The following KRT81 variants were observed in gnomAD, a reference collection of about 807,000 sequenced individuals.
The protein encoded by KRT81 is keratin 81.
Under a neutral mutation model 35.8 loss-of-function variants are expected in KRT81, and 35 were observed. That is an observed-to-expected ratio of 0.98 (90% confidence interval 0.75 to 1.30). The LOEUF (loss-of-function observed/expected upper bound fraction) is 1.30, where lower values mean the gene tolerates loss of function less well. Ranked by LOEUF, KRT81 falls within the 50% of genes most tolerant of loss-of-function variation. The probability of loss-of-function intolerance (pLI) is 0.00; values close to 1 mark genes in which losing one functional copy is unlikely to be tolerated. For missense variants in KRT81, 531 were observed against 577.4 expected, an observed-to-expected ratio of 0.92 and a Z score of 0.82; for synonymous variants, 249 against 251.2, an observed-to-expected ratio of 0.99 and a Z score of 0.08.
Position 52,287,133 on chromosome 12 carries a change from A to G in KRT81, c.1216T>C (p.Tyr406His), listed in dbSNP as rs1937970440. The G allele has an allele frequency of 1.9e-6, 3 of 1,613,316 alleles. No homozygotes were observed. The highest frequency in any genetic ancestry group is 2.5e-6 in the Non-Finnish European group (3 of 1,179,968). ...KLGLDIEIAT[Y>H]RRLLEGEEQR... Reference sequence around the variant, plus strand: ...TCCTCGCCCTCCAGCAGGCGCCTGTAGGTGGCGATCTCGATGTCCAGGCCC... The same window carrying G: ...TCCTCGCCCTCCAGCAGGCGCCTGTGGGTGGCGATCTCGATGTCCAGGCCC... The change falls in exon 7 of 9, where the codon TAC becomes CAC. Residue 406 changes from tyrosine to histidine, a missense_variant. Transcript: ENST00000327741.
chr12:52,288,293 C>G (rs1938026133), intron 4 of KRT81, 68 bp downstream of exon 4: 1 of 1,608,916 alleles, frequency 6.2e-7, no homozygotes, highest in Admixed American at 1.7e-5. Flanking sequence ...ACATCCTGTC[C>G]AACACTCCCA....
chr12:52,286,229 G>A lies in KRT81; in HGVS notation c.*26C>T, dbSNP rs768552191. The A allele has an allele frequency of 1.3e-6, 2 of 1,541,946 alleles. No individual in the cohort carries two copies. Among genetic ancestry groups the A allele is most frequent in the East Asian group, 4.8e-5 (2 of 41,394 alleles). Reference sequence around the variant, plus strand: ...GCAAGGCAGGGCAGGAAAGATGCCTGGGGCCTGGGACTTGAGTTGGGGTGC... The same window carrying A: ...GCAAGGCAGGGCAGGAAAGATGCCTAGGGCCTGGGACTTGAGTTGGGGTGC... On this transcript the variant is annotated 3_prime_UTR_variant, in exon 9 of 9. Coordinates refer to ENST00000327741, the MANE Select transcript of KRT81 (RefSeq NM_002281.4).
At chr12:52,288,199 C>T (rs1351689277) in intron 4 of KRT81, 51 bp from the exon 5 acceptor site, 1 of 1,596,068 alleles carries the variant, frequency 6.3e-7, no homozygotes, top group Non-Finnish European at 8.6e-7. Flanking sequence ...CCCCACCCAC[C>T]ATGTCCTGAC....
Position 52,288,002 on chromosome 12 carries a change from C to T in KRT81, c.882G>A (p.Glu294=). The T allele has an allele frequency of 6.2e-7, 1 of 1,614,214 alleles. No individual in the cohort carries two copies. The highest frequency in any genetic ancestry group is 8.5e-7 in the Non-Finnish European group (1 of 1,180,030). The part of the protein sequence containing the change: ...DIVTRSRAEA[E]SWYRSKCEEM... The stretch of plus-strand genomic sequence containing the variant: ...CACTCACCTTGCTGCGGTACCAGGA[C>T]TCGGCCTCGGCCCGGCTGCGGGTGA... The change falls in exon 5 of 9, where the codon GAG becomes GAA. Residue 294 remains glutamate, a synonymous_variant. Coordinates refer to ENST00000327741, the MANE Select transcript of KRT81 (RefSeq NM_002281.4).
Position 52,291,090 on chromosome 12 carries a change from C to T in KRT81, c.369+7G>A. On this transcript the variant is annotated splice_region_variant and intron_variant, in intron 1 of 8. Coordinates refer to ENST00000327741, the MANE Select transcript of KRT81 (RefSeq NM_002281.4). ...GGTTCAGGAAGGGTGTGATCCAGGA[C>T]ACCCACCTTGTCGATGAAGGCCGCG... 1 of 628,786 alleles carries T rather than the reference C, an allele frequency of 1.6e-6. No homozygotes were observed. 39.0% of individuals were successfully genotyped at this position (628,786 alleles called of 1,614,324 possible).
In KRT81 at chr12:52,288,499, C is replaced by G. The variant is rs765686606; in HGVS notation, c.640-43G>C. On this transcript the variant is annotated intron_variant, in intron 3 of 8. Transcript: ENST00000327741. ...GTTGGAGCTCAAGGACCCTGGTGAT[C>G]CAGCCCCCAGACTCCTCTCTCTGCC... 4.3e-6 allele frequency: 7 copies of G among 1,609,404 alleles called. No individual in the cohort carries two copies. In the East Asian group the frequency reaches 1.3e-4, roughly 31 times the overall value.
At chr12:52,287,881 C>A in intron 5 of KRT81, 103 bp downstream of exon 5, 1 of 1,606,280 alleles carries the variant, frequency 6.2e-7, no homozygotes, top group Non-Finnish European at 8.5e-7. Flanking sequence ...CCTCTCTTCT[C>A]ATCCCTAGGG....
Position 52,291,409 on chromosome 12 carries a change from C to T in KRT81, c.57G>A (p.Gly19=), listed in dbSNP as rs771258593. The T allele has an allele frequency of 5.3e-5, 85 of 1,611,028 alleles. 2 individuals are homozygous for T. In the South Asian group the frequency reaches 9.4e-4, roughly 18 times the overall value. ...TGATGCAGCAGCGGCCGGGCCGCGGCCCGCAGGCCGAGATGCAGCTGAAGG... is the reference window on the plus strand; with the variant it reads ...TGATGCAGCAGCGGCCGGGCCGCGGTCCGCAGGCCGAGATGCAGCTGAAGG... ...GRAFSCISAC[G]PRPGRCCITA... Residue 19 remains glycine, a synonymous_variant, in exon 1 of 9, where the codon GGG becomes GGA. Transcript: ENST00000327741.
rs1169309027 is a variant in KRT81 at position 52,286,297 on chromosome 12, G to A, written c.1476C>T (p.Ser492=). 6.4e-7 allele frequency: 1 copy of A among 1,554,596 alleles called. No individual in the cohort carries two copies. Among genetic ancestry groups the A allele is most frequent in the Non-Finnish European group, 8.7e-7 (1 of 1,148,608 alleles). Residue 492 remains serine (S), a synonymous_variant, in exon 9 of 9, where the codon TCC becomes TCT. Coordinates refer to ENST00000327741, the MANE Select transcript of KRT81 (RefSeq NM_002281.4). ...SCGVGSCGIS[S]LGVGSCGSSC... ...TGCTGCCGCAAGACCCCACACCCAGGGAGCTGATACCACAGGAGCCCACGC... is the reference window on the plus strand; with the variant it reads ...TGCTGCCGCAAGACCCCACACCCAGAGAGCTGATACCACAGGAGCCCACGC...
At position 52,286,322 on chromosome 12, in the gene KRT81, C is replaced by A. The variant is rs982724643; in HGVS notation, c.1451G>T (p.Gly484Val). The change falls in exon 9 of 9, where the codon GGC becomes GTC. Residue 484 changes from glycine (G) to valine (V), a missense_variant. Transcript: ENST00000327741. Reference protein sequence around the residue: ...LNTTCGGGSCGVGSCGISSLG... With the variant: ...LNTTCGGGSCVVGSCGISSLG... ...GGAGCTGATACCACAGGAGCCCACG[C>A]CGCAGGAACCCCCTCCGCAGGTGGT... is the stretch of plus-strand genomic sequence containing the variant. 1 of 1,554,502 alleles carries A rather than the reference C, an allele frequency of 6.4e-7. No homozygotes were observed. Among genetic ancestry groups the A allele is most frequent in the Non-Finnish European group, 8.7e-7 (1 of 1,148,562 alleles).
Position 52,291,518 on chromosome 12 carries a change from T to G in KRT81, c.-53A>C. 6.2e-7 allele frequency: 1 copy of G among 1,604,482 alleles called. No individual in the cohort carries two copies. Among genetic ancestry groups the G allele is most frequent in the Admixed American group, 1.7e-5 (1 of 59,100 alleles). On this transcript the variant is annotated 5_prime_UTR_variant, in exon 1 of 9. Transcript: ENST00000327741. ...GGACAGGATAGGGGACCTGGAGTCC[T>G]GATGGAAACTCCAATGTGCTCCTCA...
At chr12:52,287,362 G>A (rs780572469) in intron 6 of KRT81, 40 bp from the exon 7 acceptor site, 13 of 1,610,952 alleles carry the variant, frequency 8.1e-6, no homozygotes, top group Non-Finnish European at 1.0e-5. Flanking sequence ...TAGAGTCCCT[G>A]GGTCTCTCTG....
chr12:52,287,135 G>T lies in KRT81; in HGVS notation c.1214C>A (p.Thr405Asn). Residue 405 changes from threonine to asparagine, a missense_variant, in exon 7 of 9, where the codon ACC becomes AAC. Coordinates refer to ENST00000327741, the MANE Select transcript of KRT81 (RefSeq NM_002281.4). The stretch of plus-strand genomic sequence containing the variant: ...CTCGCCCTCCAGCAGGCGCCTGTAG[G>T]TGGCGATCTCGATGTCCAGGCCCAG... Reference protein sequence around the residue: ...SKLGLDIEIATYRRLLEGEEQ... With the variant: ...SKLGLDIEIANYRRLLEGEEQ... 5 of 1,613,338 alleles carry T rather than the reference G, an allele frequency of 3.1e-6. No homozygotes were observed. The highest frequency in any genetic ancestry group is 4.2e-6 in the Non-Finnish European group (5 of 1,179,978).
rs760601861 is a variant in KRT81 at position 52,291,225 on chromosome 12, C to A, written c.241G>T (p.Val81Leu). The change falls in exon 1 of 9, where the codon GTG (valine) becomes TTG (leucine). Residue 81 changes from valine (V) to leucine (L), a missense_variant. Coordinates refer to ENST00000327741, the MANE Select transcript of KRT81 (RefSeq NM_002281.4). ...GTGAGGAGGCTCTCGTTGACCGACA[C>A]GGTGGTGATGCATGGGGGACTGGGC... The part of the protein sequence containing the change: ...CGPSPPCITT[V>L]SVNESLLTPL... 18 of 1,478,610 alleles carry A rather than the reference C, an allele frequency of 1.2e-5. No individual in the cohort carries two copies. In the East Asian group the frequency reaches 4.0e-4, roughly 33 times the overall value. The allele number at this position is 1,478,610 out of a possible 1,614,324, so 91.6% of individuals were successfully genotyped here.
chr12:52,287,853 C>G (rs1938004295), intron 5 of KRT81, 131 bp downstream of exon 5: 2 of 1,601,296 alleles, frequency 1.2e-6, no homozygotes, highest in African/African-American at 1.3e-5. Context: ...CCTGCCACCC[C>G]AACCTCAGAT....
In KRT81 at chr12:52,287,576, T is replaced by G. The variant is rs374466621; in HGVS notation, c.1026+20A>C. On this transcript the variant is annotated intron_variant, in intron 6 of 8. Coordinates refer to ENST00000327741, the MANE Select transcript of KRT81 (RefSeq NM_002281.4). ...GTTAGGCCCTCGGTCTCTCTGACCT[T>G]GCGCACAGATGCCCCATACCTGGCA... is the stretch of plus-strand genomic sequence containing the variant. The G allele has an allele frequency of 3.1e-6, 5 of 1,613,932 alleles. No homozygotes were observed. The highest frequency in any genetic ancestry group is 3.4e-6 in the Non-Finnish European group (4 of 1,179,838).
rs772669761 is a variant in KRT81, at chr12:52,286,812, C to T, written c.1258G>A (p.Gly420Ser). The part of the protein sequence containing the change: ...LEGEEQRLCE[G>S]IGAVNVCVSS... ...TCACAGACATTCACAGCCCCAATGCCTTCACATAGCCTGAGGGCAAAAGAG... is the reference window on the plus strand; with the variant it reads ...TCACAGACATTCACAGCCCCAATGCTTTCACATAGCCTGAGGGCAAAAGAG... The change falls in exon 8 of 9, where the codon GGC (glycine) becomes AGC (serine). Residue 420 changes from glycine to serine, a missense_variant. Around this residue, in one of 5 missense-constraint regions of KRT81, gnomAD observed 150 missense variants for 145.4 expected, o/e 1.03. Transcript: ENST00000327741. 1.2e-6 allele frequency: 2 copies of T among 1,614,078 alleles called. No homozygotes were observed. Among genetic ancestry groups the T allele is most frequent in the Non-Finnish European group, 8.5e-7 (1 of 1,179,998 alleles).
Position 52,286,089 on chromosome 12 carries a change from G to C in KRT81, c.*166C>G. ...GCCTTTCCCACTGTGGGGTGGCAGA[G>C]CCCAGAAGTGGGGGATCACACAGAG... is the stretch of plus-strand genomic sequence containing the variant. On this transcript the variant is annotated 3_prime_UTR_variant, in exon 9 of 9. Transcript: ENST00000327741. 1.5e-6 allele frequency: 1 copy of C among 680,944 alleles called. No homozygotes were observed. Among genetic ancestry groups the C allele is most frequent in the Non-Finnish European group, 2.6e-6 (1 of 391,378 alleles). The allele number at this position is 680,944 out of a possible 1,614,324, so 42.2% of individuals were successfully genotyped here.
rs187305858 is a variant in KRT81 at position 52,286,951 on chromosome 12, G to C, written c.1248-129C>G. The C allele has an allele frequency of 3.6e-5, 55 of 1,539,628 alleles. No homozygotes were observed. The East Asian group carries it at 1.1e-3, about 31-fold the overall frequency. On this transcript the variant is annotated intron_variant, in intron 7 of 8. Transcript: ENST00000327741. ...GAGTCTGAGGGAACAGCTTGCCTCA[G>C]ACAAACTCACACACCAGCCCTCCCC...
Sources: gnomAD v4.1 joint callset for allele counts on GRCh38, gnomAD v4.1.1 for gene constraint, gnomAD v4.1.1 regional missense constraint, MANE v1.5 for transcripts, NCBI Gene and HGNC (gene_info 2026-07-23, HGNC 2026-07-21) for gene names.